The following ZFHX3 variants were observed in gnomAD, a reference collection of about 807,000 sequenced individuals.
The protein encoded by ZFHX3 is zinc finger homeobox protein 3.
Under a neutral mutation model 279.1 loss-of-function variants are expected in ZFHX3, and 42 were observed. The ratio of observed to expected loss-of-function variants is 0.15; its 90% CI spans 0.12 to 0.19. ZFHX3 has a LOEUF of 0.19. Ranked by LOEUF, ZFHX3 falls within the 10% of genes least tolerant of loss-of-function variation. ZFHX3 has a pLI of 1.00. For synonymous variants in ZFHX3, 2,293 were observed against 1,957.8 expected, an observed-to-expected ratio of 1.17 and a Z score of -4.52; for missense variants, 4,981 against 4,754.0, an observed-to-expected ratio of 1.05 and a Z score of -1.40.
chr16:73,443,856 G>T lies in ZFHX3; in HGVS notation c.-1291+12147C>A, dbSNP rs576467552. ...TGCAGCCTCTACCTCCTGGGCTCAGGTGATCCTCCCACCTGAGCCTCACAA... is the reference window on the plus strand; with the variant it reads ...TGCAGCCTCTACCTCCTGGGCTCAGTTGATCCTCCCACCTGAGCCTCACAA... On this transcript the variant is annotated intron_variant, in intron 3 of 17. Transcript: ENST00000641206. 1.5e-4 allele frequency among the ~76,000 whole-genome samples: 23 copies of T among 152,170 alleles called. No individual in the cohort carries two copies. The East Asian group carries it at 1.7e-3, about 11-fold the overall frequency.
chr16:73,726,454 A>C (rs1477716552), intron 1 of ZFHX3, among the ~76,000 whole-genome samples: 1 of 152,136 alleles, frequency 6.6e-6, no homozygotes, highest in East Asian at 1.9e-4. Context: ...TGTCCTATGC[A>C]CTGGGGGTTT....
At chr16:73,114,628 A>G (rs182984389) in intron 7 of ZFHX3, among the ~76,000 whole-genome samples, 84 of 152,204 alleles carry the variant, frequency 5.5e-4, no homozygotes, top group African/African-American at 1.9e-3. Context: ...GTAGTGAGCC[A>G]TGACTGCGTC....
At chr16:73,213,566 G>T (rs753636412) in intron 5 of ZFHX3, among the ~76,000 whole-genome samples, 1 of 152,182 alleles carries the variant, frequency 6.6e-6, no homozygotes, top group Non-Finnish European at 1.5e-5. Flanking sequence ...TACATCTCAT[G>T]TAACTCTTTT....
intron 2 of ZFHX3, among the ~76,000 whole-genome samples, chr16:73,674,042 T>C (rs912239360): frequency 6.6e-6 from 1 of 152,184 alleles, no homozygotes; most frequent in African/African-American, 2.4e-5. Flanking sequence ...TCATTGCCTC[T>C]GAAAATATAC....
At chr16:73,797,378 C>T (rs1330543264) in intron 1 of ZFHX3, among the ~76,000 whole-genome samples, 1 of 152,182 alleles carries the variant, frequency 6.6e-6, no homozygotes, top group African/African-American at 2.4e-5. Flanking sequence ...TCCTGTAGGG[C>T]CAGAGCCCTC....
At chr16:73,659,750 A>G (rs2052760659) in intron 2 of ZFHX3, among the ~76,000 whole-genome samples, 1 of 152,192 alleles carries the variant, frequency 6.6e-6, no homozygotes, top group Non-Finnish European at 1.5e-5. Context: ...TTATCTGTGT[A>G]TACTCATCTG....
At chr16:73,281,610 C>T (rs181574159) in intron 4 of ZFHX3, among the ~76,000 whole-genome samples, 42 of 152,178 alleles carry the variant, frequency 2.8e-4, no homozygotes, top group Admixed American at 4.6e-4. Flanking sequence ...GTACATCTTA[C>T]GTTAAGTGAT....
At chr16:73,090,117 G>A (rs1597152779) in intron 8 of ZFHX3, among the ~76,000 whole-genome samples, 2 of 152,238 alleles carry the variant, frequency 1.3e-5, no homozygotes, top group African/African-American at 4.8e-5. Context: ...TGTGGGGCCG[G>A]GCTTGGTGGC....
chr16:73,487,184 G>A (rs574251644), intron 2 of ZFHX3, among the ~76,000 whole-genome samples: 1 of 152,328 alleles, frequency 6.6e-6, no homozygotes, highest in African/African-American at 2.4e-5. Context: ...TGCTAGGGCA[G>A]AGGATTCCCG....
At chr16:73,106,601 G>A (rs1232528183) in intron 7 of ZFHX3, among the ~76,000 whole-genome samples, 2 of 152,178 alleles carry the variant, frequency 1.3e-5, no homozygotes, top group Non-Finnish European at 2.9e-5. Flanking sequence ...CATGCAAGAT[G>A]CAAAATCTTG....
intron 2 of ZFHX3, among the ~76,000 whole-genome samples, chr16:73,598,742 C>A (rs1452524233): frequency 6.6e-6 from 1 of 151,650 alleles, no homozygotes; most frequent in South Asian, 2.1e-4. Context: ...CTTGATCACC[C>A]ATTTCTTCAA....
chr16:72,797,226 C>G lies in ZFHX3; in HGVS notation c.5456G>C (p.Ser1819Thr). ...LNPEVSLPVT[S>T]GALTLTGTGP... ...TGTCCCAGTCAGTGTCAGTGCCCCA[C>G]TGGTCACTGGCAAGCTCACCTCGGG... Residue 1819 changes from serine (S) to threonine (T), a missense_variant, in exon 9 of 10, where the codon AGT becomes ACT. By Grantham distance (58) the Ser-to-Thr change is moderately conservative. This residue lies in a region of ZFHX3 where 1,751 missense variants were observed against 1,770.0 expected (regional missense o/e 0.99). Transcript: ENST00000268489. The G allele has an allele frequency of 1.2e-6, 2 of 1,613,978 alleles. No individual in the cohort carries two copies. The highest frequency in any genetic ancestry group is 1.7e-6 in the Non-Finnish European group (2 of 1,179,966).
intron 4 of ZFHX3, among the ~76,000 whole-genome samples, chr16:72,855,915 G>C (rs1354781164): frequency 6.6e-6 from 1 of 152,178 alleles, no homozygotes; most frequent in Admixed American, 6.5e-5. Flanking sequence ...CCCGTGGTGG[G>C]AACTTAAATG....
At chr16:73,155,679 T>C (rs13334546) in intron 5 of ZFHX3, among the ~76,000 whole-genome samples, 93,462 of 151,878 alleles carry the variant, frequency 0.62, 29,639 homozygotes, top group African/African-American at 0.76. Context: ...AAAAATTAGC[T>C]GGGCATGGCG....
intron 2 of ZFHX3, among the ~76,000 whole-genome samples, chr16:73,580,508 CAA>C (rs1555525963): frequency 6.4e-5 from 9 of 140,198 alleles, no homozygotes; most frequent in African/African-American, 1.8e-4. Flanking sequence ...AACAAACAAA[CAA>C]AAAAAAAAAA....
chr16:73,359,804 C>T (rs932456112), intron 3 of ZFHX3, among the ~76,000 whole-genome samples: 22 of 152,298 alleles, frequency 1.4e-4, no homozygotes, highest in East Asian at 7.7e-4. Context: ...CATTGATTTC[C>T]GCCCTGAGTT....
At chr16:73,617,317 A>T (rs553505822) in intron 2 of ZFHX3, among the ~76,000 whole-genome samples, 26 of 152,330 alleles carry the variant, frequency 1.7e-4, no homozygotes, top group African/African-American at 3.4e-4. Flanking sequence ...GAAAAGGGCA[A>T]ATCAAAGGCA....
At chr16:73,332,199 G>C (rs557298344) in intron 3 of ZFHX3, among the ~76,000 whole-genome samples, 20 of 152,250 alleles carry the variant, frequency 1.3e-4, no homozygotes, top group African/African-American at 4.8e-4. Context: ...TGATAAAAAC[G>C]AAATTTGGGG....
chr16:73,837,960 G>A (rs1204281624), intron 1 of ZFHX3, among the ~76,000 whole-genome samples: 1 of 152,170 alleles, frequency 6.6e-6, no homozygotes, highest in African/African-American at 2.4e-5. Context: ...AAGGAAATCT[G>A]TTCCTCTCTT....
Sources: gnomAD v4.1 joint callset for allele counts (sites outside exome capture counted in the v4.1 genomes callset) on GRCh38, gnomAD v4.1.1 for gene constraint, gnomAD v4.1.1 regional missense constraint, MANE v1.5 for transcripts, NCBI Gene and HGNC (gene_info 2026-07-23, HGNC 2026-07-21) for gene names.